Variants in PLCH2 observed in about 807,000 individuals in gnomAD.
PLCH2 encodes the protein 1-phosphatidylinositol 4,5-bisphosphate phosphodiesterase eta-2.
PLCH2 carries 98 observed loss-of-function variants against 134.7 expected under a neutral mutation model. The ratio of observed to expected loss-of-function variants is 0.73; its 90% CI spans 0.62 to 0.86. The LOEUF is 0.86. Among genes scored for constraint, PLCH2 ranks in the 40% least tolerant of loss-of-function variants. The pLI is 0.00. For synonymous variants in PLCH2, 974 were observed against 827.5 expected (o/e 1.18, Z -3.04); for missense variants, 1,994 against 1,986.6 (o/e 1.00, Z -0.07).
chr1:2,491,971 G>C (rs1156966881), intron 11 of PLCH2, among the ~76,000 whole-genome samples: 1 of 152,040 alleles, frequency 6.6e-6, no homozygotes, highest in Non-Finnish European at 1.5e-5. Flanking sequence ...CTGCGGGTGG[G>C]GCAGAGTGGG....
chr1:2,429,870 C>A (rs2494642), intron 1 of PLCH2, among the ~76,000 whole-genome samples: 73,505 of 151,984 alleles, frequency 0.48, 18,863 homozygotes, highest in African/African-American at 0.66. Context: ...GCAGGAGGGG[C>A]TGGGGGGGCC....
Position 2,505,529 on chromosome 1 carries a change from T to C in PLCH2, c.*316T>C, listed in dbSNP as rs898755428. 2.6e-6 allele frequency: 1 copy of C among 388,958 alleles called. No homozygotes were observed. Among genetic ancestry groups the C allele is most frequent in the African/African-American group, 2.1e-5 (1 of 46,582 alleles). 24.1% of individuals were successfully genotyped at this position (388,958 alleles called of 1,614,324 possible). A position where few individuals can be genotyped will look rare whatever the true frequency, so the allele number is the denominator to read the frequency against. ...ACATTAAAATGATACCAAGTCCCTT[T>C]CCATTTTTACCTGGTTTTTCACCCC... On this transcript the variant is annotated 3_prime_UTR_variant, in exon 22 of 22. Transcript: ENST00000378486.
chr1:2,503,413 A>T, intron 21 of PLCH2: 1 of 590,958 alleles, frequency 1.7e-6, no homozygotes, highest in South Asian at 2.0e-5. Flanking sequence ...CGCCCCTGGG[A>T]CGCCTGGAGC....
intron 1 of PLCH2, among the ~76,000 whole-genome samples, chr1:2,468,287 G>T (rs1215522876): frequency 6.6e-6 from 1 of 152,240 alleles, no homozygotes; most frequent in Non-Finnish European, 1.5e-5. Flanking sequence ...ACTCTGGTCT[G>T]GCCCATCCCG....
intron 1 of PLCH2, among the ~76,000 whole-genome samples, chr1:2,428,488 C>T (rs555441816): frequency 9.3e-4 from 141 of 152,370 alleles, no homozygotes; most frequent in African/African-American, 3.3e-3. Flanking sequence ...TGGGGTCCTG[C>T]GTCTGGCTCG....
chr1:2,477,505 C>T (rs985918051), intron 1 of PLCH2, among the ~76,000 whole-genome samples: 6 of 152,180 alleles, frequency 3.9e-5, no homozygotes, highest in Non-Finnish European at 8.8e-5. Context: ...GGATTAACGT[C>T]TCTGTGCTTT....
chr1:2,454,632 G>A (rs975387601), intron 2 of PLCH2, among the ~76,000 whole-genome samples: 2 of 152,126 alleles, frequency 1.3e-5, no homozygotes, highest in African/African-American at 4.8e-5. Context: ...CCCCCTCCCA[G>A]GTGAGGCCTC....
Position 2,498,561 on chromosome 1 carries a change from C to A in PLCH2, c.2263C>A (p.Gln755Lys). Residue 755 changes from glutamine (Q) to lysine (K), a missense_variant, in exon 17 of 22, where the codon CAG (glutamine) becomes AAG (lysine). This residue lies in a region of PLCH2 where 1,094 missense variants were observed against 1,234.3 expected (regional missense o/e 0.89). Coordinates refer to ENST00000378486, the MANE Select transcript of PLCH2 (RefSeq NM_014638.4). The surrounding 1 kb of genome is among the most constrained non-coding windows in gnomAD (Gnocchi z 5.4). Reference protein sequence around the residue: ...NPNSEDPLPGQLKKQLVLRII... With the variant: ...NPNSEDPLPGKLKKQLVLRII... ...CAACTCGGAGGACCCCCTGCCCGGG[C>A]AGCTCAAGAAGCAGCTGGTGCTCCG... 6.2e-7 allele frequency: 1 copy of A among 1,606,668 alleles called. No homozygotes were observed. Among genetic ancestry groups the A allele is most frequent in the East Asian group, 2.2e-5 (1 of 44,700 alleles).
chr1:2,417,697 G>C, the PLCH2 span, among the ~76,000 whole-genome samples: 2 of 152,202 alleles, frequency 1.3e-5, no homozygotes, highest in Non-Finnish European at 2.9e-5. Flanking sequence ...GAGGGCACCT[G>C]GGAGCCACCT....
chr1:2,480,034 C>T, intron 3 of PLCH2, 57 bp downstream of exon 3: 3 of 1,585,044 alleles, frequency 1.9e-6, no homozygotes, highest in Admixed American at 3.4e-5. Flanking sequence ...CTTGGCTGCT[C>T]ACCCTGGGGG....
At chr1:2,438,360 C>T (rs1048273597) in intron 2 of PLCH2, among the ~76,000 whole-genome samples, 1 of 152,188 alleles carries the variant, frequency 6.6e-6, no homozygotes, top group Admixed American at 6.5e-5. Flanking sequence ...CCCCTTGGCA[C>T]CCCTGGGGCA....
At chr1:2,435,688 G>T (rs1639295680) in intron 2 of PLCH2, among the ~76,000 whole-genome samples, 1 of 152,110 alleles carries the variant, frequency 6.6e-6, no homozygotes, top group Non-Finnish European at 1.5e-5. Flanking sequence ...CAGGAGGGGA[G>T]ACTGGGTTTC....
At chr1:2,464,601 G>T (rs1220067865), upstream of PLCH2, among the ~76,000 whole-genome samples, 2 of 152,180 alleles carry the variant, frequency 1.3e-5, no homozygotes, top group African/African-American at 4.8e-5. Context: ...TGAGGAGGGG[G>T]GCCACCTCCT....
At chr1:2,437,885 C>T (rs1026721305) in intron 2 of PLCH2, among the ~76,000 whole-genome samples, 28 of 152,380 alleles carry the variant, frequency 1.8e-4, no homozygotes, top group African/African-American at 6.5e-4. Flanking sequence ...CGTGGCCGTC[C>T]ATCTCAGTGG....
chr1:2,436,005 C>T (rs868125379), intron 2 of PLCH2, among the ~76,000 whole-genome samples: 2 of 117,414 alleles, frequency 1.7e-5, no homozygotes, highest in Non-Finnish European at 3.8e-5. Flanking sequence ...TCCCTTCCTC[C>T]CGCTTCCCTC....
At chr1:2,438,877 G>A (rs1639558081) in intron 2 of PLCH2, among the ~76,000 whole-genome samples, 1 of 152,214 alleles carries the variant, frequency 6.6e-6, no homozygotes, top group Non-Finnish European at 1.5e-5. Context: ...AGCGTGTGCA[G>A]GGGGGAACCG....
chr1:2,431,857 C>T (rs1639087996), intron 2 of PLCH2, among the ~76,000 whole-genome samples: 1 of 152,108 alleles, frequency 6.6e-6, no homozygotes, highest in South Asian at 2.1e-4. Context: ...ATCCTGGGGG[C>T]CTTTCTGGGA....
At chr1:2,486,020 T>C (rs1021240250) in intron 5 of PLCH2, among the ~76,000 whole-genome samples, 1 of 152,052 alleles carries the variant, frequency 6.6e-6, no homozygotes, top group Non-Finnish European at 1.5e-5. Flanking sequence ...CTAGCACCAG[T>C]TGGCTAGACC....
At chr1:2,435,261 C>T (rs918603437) in intron 2 of PLCH2, among the ~76,000 whole-genome samples, 3 of 152,134 alleles carry the variant, frequency 2.0e-5, no homozygotes, top group Admixed American at 1.3e-4. Flanking sequence ...GGCCAGAGGC[C>T]GGGCAGGGGC....
Sources: allele counts gnomAD v4.1 joint callset (sites outside exome capture counted in the v4.1 genomes callset), GRCh38; gene constraint gnomAD v4.1.1; regional missense constraint gnomAD v4.1.1; non-coding constraint Gnocchi (gnomAD v3.1); transcripts MANE v1.5; gene names NCBI Gene and HGNC (gene_info 2026-07-23, HGNC 2026-07-21).